Variants in PABPC4L observed in about 807,000 individuals in gnomAD.
PABPC4L encodes the protein poly(A) binding protein cytoplasmic 4 like, also known as polyadenylate-binding protein 4-like.
For synonymous variants in PABPC4L, 169 were observed against 164.1 expected (o/e 1.03, Z -0.23); for missense variants, 452 against 451.4 (o/e 1.00, Z -0.01).
chr4:133,958,720 T>C, the PABPC4L span, among the ~76,000 whole-genome samples: 119 of 152,214 alleles, frequency 7.8e-4, no homozygotes, highest in African/African-American at 2.7e-3. Flanking sequence ...GCTGAGCAAA[T>C]GGGAAAAAGC....
At chr4:133,980,894 A>G in the PABPC4L span, among the ~76,000 whole-genome samples, 2 of 152,248 alleles carry the variant, frequency 1.3e-5, no homozygotes, top group African/African-American at 4.8e-5. Flanking sequence ...ACAGTGGCTC[A>G]CGCCTGTAAT....
downstream of PABPC4L, among the ~76,000 whole-genome samples, chr4:134,193,667 T>A (rs1420353110): frequency 6.6e-6 from 1 of 151,946 alleles, no homozygotes; most frequent in Non-Finnish European, 1.5e-5. Context: ...TTTAATCTAG[T>A]CTGGTTTGGA....
chr4:133,974,127 A>G, the PABPC4L span, among the ~76,000 whole-genome samples: 1 of 152,176 alleles, frequency 6.6e-6, no homozygotes, highest in Non-Finnish European at 1.5e-5. Flanking sequence ...AATTGCAGTA[A>G]TCAAGAGAGT....
chr4:134,046,457 C>T, the PABPC4L span, among the ~76,000 whole-genome samples: 1 of 152,256 alleles, frequency 6.6e-6, no homozygotes, highest in Admixed American at 6.5e-5. Context: ...TCTGGTTTTA[C>T]ACCGAGACAT....
the PABPC4L span, among the ~76,000 whole-genome samples, chr4:133,959,137 T>C: frequency 1.4e-5 from 2 of 146,802 alleles, no homozygotes; most frequent in East Asian, 4.2e-4. Flanking sequence ...CCAAAATACA[T>C]TTGTTCATTC....
chr4:134,064,473 T>A, the PABPC4L span, among the ~76,000 whole-genome samples: 1 of 152,198 alleles, frequency 6.6e-6, no homozygotes, highest in Non-Finnish European at 1.5e-5. Flanking sequence ...TTAGATGTGC[T>A]TTTGGGAGAA....
At chr4:134,150,312 G>A in the PABPC4L span, among the ~76,000 whole-genome samples, 3 of 151,944 alleles carry the variant, frequency 2.0e-5, no homozygotes, top group Non-Finnish European at 4.4e-5. Context: ...TCAAACTCCT[G>A]ATCTCACTTG....
the PABPC4L span, among the ~76,000 whole-genome samples, chr4:134,003,268 T>A: frequency 6.6e-6 from 1 of 152,100 alleles, no homozygotes; most frequent in Non-Finnish European, 1.5e-5. Context: ...TATTCACATG[T>A]CCATTAGAAA....
At chr4:134,074,585 G>T in the PABPC4L span, among the ~76,000 whole-genome samples, 2 of 151,982 alleles carry the variant, frequency 1.3e-5, no homozygotes, top group African/African-American at 2.4e-5. Flanking sequence ...CAGCTCCACT[G>T]CTCCTAGTAC....
At chr4:134,166,260 G>T in the PABPC4L span, among the ~76,000 whole-genome samples, 1 of 151,950 alleles carries the variant, frequency 6.6e-6, no homozygotes. Flanking sequence ...AAACCCACTT[G>T]TACCCCCAAA....
At chr4:133,981,728 C>T in the PABPC4L span, among the ~76,000 whole-genome samples, 1 of 151,856 alleles carries the variant, frequency 6.6e-6, no homozygotes, top group Non-Finnish European at 1.5e-5. Context: ...CAAAAATGAA[C>T]ACTAATGCCA....
chr4:134,139,127 A>G, the PABPC4L span, among the ~76,000 whole-genome samples: 1 of 152,102 alleles, frequency 6.6e-6, no homozygotes, highest in African/African-American at 2.4e-5. Context: ...ATGTTTTATC[A>G]ATTCAACTAA....
chr4:133,975,122 A>G, the PABPC4L span, among the ~76,000 whole-genome samples: 5 of 152,148 alleles, frequency 3.3e-5, no homozygotes, highest in African/African-American at 7.2e-5. Context: ...AAATTGGATC[A>G]ACAAAATGGG....
the PABPC4L span, among the ~76,000 whole-genome samples, chr4:134,049,577 GC>G: frequency 1.3e-5 from 2 of 152,054 alleles, no homozygotes; most frequent in Non-Finnish European, 2.9e-5. Context: ...GGAAAAACTA[GC>G]CTCCAGAGTA....
At chr4:134,045,706 G>C in the PABPC4L span, among the ~76,000 whole-genome samples, 1 of 151,972 alleles carries the variant, frequency 6.6e-6, no homozygotes, top group Non-Finnish European at 1.5e-5. Flanking sequence ...TGCCGGTGCC[G>C]TCCTACTTAC....
the PABPC4L span, among the ~76,000 whole-genome samples, chr4:134,164,250 G>A: frequency 2.0e-3 from 216 of 110,656 alleles, no homozygotes; most frequent in Non-Finnish European, 3.2e-3. Flanking sequence ...GCGACAGAGC[G>A]AGACTCCGTC....
chr4:134,098,558 C>T, the PABPC4L span, among the ~76,000 whole-genome samples: 12 of 151,654 alleles, frequency 7.9e-5, no homozygotes, highest in South Asian at 1.7e-3. Flanking sequence ...ATTTAGAATT[C>T]CAAATGGAAT....
At chr4:134,054,331 TA>T in the PABPC4L span, among the ~76,000 whole-genome samples, 1 of 147,794 alleles carries the variant, frequency 6.8e-6, no homozygotes, top group East Asian at 2.0e-4. Context: ...GAGTTTTAAA[TA>T]AATTTTTTTT....
At position 134,200,807 on chromosome 4, in the gene PABPC4L, C is replaced by G. The variant is rs1370816962; in HGVS notation, c.213G>C (p.Met71Ile). ...ATTTGCCTTTTATGATGTCAAAGTT[C>G]ATTGTGTCCAGCGCCTTCTGGGCAT... is the stretch of plus-strand genomic sequence containing the variant. ...LADAQKALDT[M>I]NFDIIKGKSI... The change falls in exon 2 of 2, where the codon ATG becomes ATC. Residue 71 changes from methionine to isoleucine, a missense_variant. By Grantham distance (10) the Met-to-Ile change is conservative. Transcript: ENST00000421491. 2 of 1,552,370 alleles carry G rather than the reference C, an allele frequency of 1.3e-6. No homozygotes were observed. The highest frequency in any genetic ancestry group is 2.4e-5 in the South Asian group (2 of 84,062).
Sources: gnomAD v4.1 joint callset for allele counts (sites outside exome capture counted in the v4.1 genomes callset) on GRCh38, gnomAD v4.1.1 for gene constraint, MANE v1.5 for transcripts, NCBI Gene and HGNC (gene_info 2026-07-23, HGNC 2026-07-21) for gene names.